CEP112: variants seen among roughly 807,000 people sequenced by gnomAD.
CEP112 encodes the protein centrosomal protein 112.
CEP112 carries 127 observed loss-of-function variants against 153.0 expected under a neutral mutation model. That is an observed-to-expected ratio of 0.83 (90% CI 0.72 to 0.96). CEP112 has a LOEUF of 0.96. Ranked by LOEUF, CEP112 falls within the 40% of genes least tolerant of loss-of-function variation. CEP112 has a pLI of 0.00. For missense variants in CEP112, 1,089 were observed against 1,101.2 expected (o/e 0.99, Z 0.16); for synonymous variants, 358 against 374.4 (o/e 0.96, Z 0.51).
chr17:65,676,420 A>C (rs2047238763), intron 24 of CEP112, among the ~76,000 whole-genome samples: 1 of 152,156 alleles, frequency 6.6e-6, no homozygotes, highest in African/African-American at 2.4e-5. Context: ...GATGTTAAAG[A>C]TATCTTCATA....
chr17:65,888,876 A>T (rs1419889025), intron 20 of CEP112, among the ~76,000 whole-genome samples: 1 of 152,060 alleles, frequency 6.6e-6, no homozygotes, highest in Non-Finnish European at 1.5e-5. Context: ...CTGATCCAAG[A>T]TATGTTCTCC....
intron 16 of CEP112, among the ~76,000 whole-genome samples, chr17:66,018,896 G>C (rs1286914457): frequency 6.6e-6 from 1 of 152,130 alleles, no homozygotes; most frequent in African/African-American, 2.4e-5. Flanking sequence ...TTACTCTCTG[G>C]AACTGTTTGG....
intron 21 of CEP112, among the ~76,000 whole-genome samples, chr17:65,754,643 AAATAC>A (rs1282752431): frequency 2.6e-5 from 4 of 152,052 alleles, no homozygotes; most frequent in African/African-American, 9.7e-5. Context: ...AAATAAAATA[AAATAC>A]AATACAGTGT....
chr17:66,098,852 A>G (rs1271098828), intron 6 of CEP112, among the ~76,000 whole-genome samples: 1 of 152,214 alleles, frequency 6.6e-6, no homozygotes, highest in Non-Finnish European at 1.5e-5. Flanking sequence ...GGCCAAATAA[A>G]GATACCAAAT....
intron 19 of CEP112, chr17:65,903,269 TTG>T (rs955277934): frequency 1.3e-5 from 2 of 152,210 alleles, no homozygotes; most frequent in African/African-American, 4.8e-5. Context: ...CTAGAATATG[TTG>T]TGTTATTTTC....
intron 21 of CEP112, among the ~76,000 whole-genome samples, chr17:65,768,919 G>A (rs1367479382): frequency 6.6e-6 from 1 of 152,018 alleles, no homozygotes; most frequent in East Asian, 1.9e-4. Context: ...GCAGAGTACT[G>A]GAGGTGCTAT....
intron 21 of CEP112, among the ~76,000 whole-genome samples, chr17:65,794,251 T>A (rs2054773140): frequency 6.6e-6 from 1 of 152,152 alleles, no homozygotes; most frequent in Non-Finnish European, 1.5e-5. Flanking sequence ...CGCATCCCCA[T>A]GACAAAATAT....
At chr17:65,709,872 A>G (rs1347695749) in intron 23 of CEP112, among the ~76,000 whole-genome samples, 1 of 152,190 alleles carries the variant, frequency 6.6e-6, no homozygotes, top group African/African-American at 2.4e-5. Flanking sequence ...CATTGCTACC[A>G]ATGATCTTTC....
chr17:66,166,136 G>A (rs1480532587), intron 4 of CEP112, among the ~76,000 whole-genome samples: 1 of 152,088 alleles, frequency 6.6e-6, no homozygotes, highest in Non-Finnish European at 1.5e-5. Flanking sequence ...ATAGTAGGTA[G>A]TTAATAATAA....
chr17:65,835,926 C>T (rs370509297), intron 21 of CEP112, among the ~76,000 whole-genome samples: 1 of 151,990 alleles, frequency 6.6e-6, no homozygotes, highest in Non-Finnish European at 1.5e-5. Context: ...GGCTAAGAGG[C>T]AATATAAGAA....
Position 66,053,837 on chromosome 17 carries a change from G to T in CEP112, c.1117C>A (p.Leu373Ile). Residue 373 changes from leucine (L) to isoleucine (I), a missense_variant, in exon 12 of 27, where the codon CTT becomes ATT. Transcript: ENST00000535342. ...ATGTTTTCAGTGTGTTGCTTTTGAAGATCAAACTTTTCCTGTTCCATTTCT... is the reference window on the plus strand; with the variant it reads ...ATGTTTTCAGTGTGTTGCTTTTGAATATCAAACTTTTCCTGTTCCATTTCT... ...VAEMEQEKFD[L>I]QKQHTENIQE... 1.2e-6 allele frequency: 2 copies of T among 1,613,086 alleles called. No homozygotes were observed. Among genetic ancestry groups the T allele is most frequent in the Non-Finnish European group, 1.7e-6 (2 of 1,179,436 alleles).
intron 21 of CEP112, chr17:65,826,446 G>A (rs1275101647): frequency 4.6e-6 from 7 of 1,534,712 alleles, no homozygotes; most frequent in African/African-American, 2.8e-5. Context: ...GAGGGTTAGA[G>A]TGTCTGAGAT....
intron 18 of CEP112, among the ~76,000 whole-genome samples, chr17:65,941,803 A>G (rs1376948178): frequency 1.4e-5 from 2 of 145,970 alleles, no homozygotes; most frequent in African/African-American, 5.0e-5. Context: ...TTTTTTTTGG[A>G]GACAGTGTCT....
intron 17 of CEP112, among the ~76,000 whole-genome samples, chr17:65,994,020 A>G (rs963526285): frequency 0.12 from 7 of 56 alleles, no homozygotes; most frequent in Non-Finnish European, 0.2. Context: ...GTTCATAGGA[A>G]AAAAAAAAAA....
intron 23 of CEP112, among the ~76,000 whole-genome samples, chr17:65,693,040 T>C (rs570952536): frequency 6.6e-6 from 1 of 152,204 alleles, no homozygotes; most frequent in East Asian, 1.9e-4. Flanking sequence ...CACACACATA[T>C]CATAATGATA....
intron 20 of CEP112, among the ~76,000 whole-genome samples, chr17:65,881,924 T>C (rs1228774202): frequency 1.3e-5 from 2 of 152,228 alleles, no homozygotes; most frequent in African/African-American, 4.8e-5. Context: ...GCGGAATCAG[T>C]AGCACAATTC....
chr17:65,719,559 G>T (rs1221023676), intron 23 of CEP112, among the ~76,000 whole-genome samples: 1 of 152,166 alleles, frequency 6.6e-6, no homozygotes, highest in Non-Finnish European at 1.5e-5. Context: ...TCCAGCCTGG[G>T]TGTTAGAGTG....
intron 6 of CEP112, among the ~76,000 whole-genome samples, chr17:66,101,574 A>G (rs1346570747): frequency 6.6e-6 from 1 of 152,128 alleles, no homozygotes; most frequent in Admixed American, 6.5e-5. Flanking sequence ...GGCAGCAGCA[A>G]TAAGTTACTG....
At chr17:66,093,949 A>G (rs1205177005) in intron 8 of CEP112, among the ~76,000 whole-genome samples, 1 of 152,228 alleles carries the variant, frequency 6.6e-6, no homozygotes, top group Non-Finnish European at 1.5e-5. Context: ...AGCAATCAAA[A>G]GAGCACAGTA....
Sources: gnomAD v4.1 joint callset for allele counts (sites outside exome capture counted in the v4.1 genomes callset) on GRCh38, gnomAD v4.1.1 for gene constraint, MANE v1.5 for transcripts, NCBI Gene and HGNC (gene_info 2026-07-23, HGNC 2026-07-21) for gene names.